Variants in CORIN observed in about 807,000 individuals in gnomAD.
CORIN encodes atrial natriuretic peptide-converting enzyme.
Under a neutral mutation model 125.3 loss-of-function variants are expected in CORIN, and 117 were observed. The observed-to-expected ratio is 0.93, with a 90% CI of 0.80 to 1.09. The LOEUF is 1.09. CORIN is among the 50% of genes least tolerant of loss of function. The pLI is 0.00. For synonymous variants in CORIN, 450 were observed against 466.4 expected (o/e 0.96, Z 0.45); for missense variants, 1,253 against 1,306.7 (o/e 0.96, Z 0.63).
intron 5 of CORIN, among the ~76,000 whole-genome samples, chr4:47,712,399 C>T (rs1726889204): frequency 6.6e-6 from 1 of 152,186 alleles, no homozygotes; most frequent in South Asian, 2.1e-4. Context: ...CCTCCTGCCT[C>T]AGTTTCCCAA....
At chr4:47,677,913 T>C (rs1725100595) in intron 9 of CORIN, 25 bp downstream of exon 9, 3 of 1,503,312 alleles carry the variant, frequency 2.0e-6, no homozygotes, top group Admixed American at 3.3e-5. Context: ...TAAAGGAATG[T>C]TCTGGGGTGG....
chr4:47,693,031 G>A lies in CORIN; in HGVS notation c.852C>T (p.Pro284=), dbSNP rs377406242. 7.3e-5 allele frequency: 118 copies of A among 1,613,560 alleles called. 1 individual carries two copies. Among genetic ancestry groups the A allele is most frequent in the South Asian group, 6.6e-4 (60 of 91,060 alleles). Reference sequence around the variant, plus strand: ...TGTAGCCATTACATTGCAGTTTCCCGGGGATGCAGATTCCACTGGCACACA... The same window carrying A: ...TGTAGCCATTACATTGCAGTTTCCCAGGGATGCAGATTCCACTGGCACACA... ...NFLCASGICI[P]GKLQCNGYND... The change falls in exon 6 of 22, where the codon CCC becomes CCT. Residue 284 remains proline (P), a synonymous_variant. Transcript: ENST00000273857.
chr4:47,651,113 A>C (rs4626168), intron 13 of CORIN, among the ~76,000 whole-genome samples: 1 of 152,236 alleles, frequency 6.6e-6, no homozygotes, highest in Non-Finnish European at 1.5e-5. Context: ...CAAAGAAACA[A>C]GAAGTAATTT....
chr4:47,626,378 A>T (rs2109564529), intron 17 of CORIN, 27 bp downstream of exon 17: 2 of 1,306,362 alleles, frequency 1.5e-6, no homozygotes, highest in African/African-American at 1.5e-5. Context: ...ATCTGACTCT[A>T]CACAGCTCTT....
Position 47,833,283 on chromosome 4 carries a change from G to T in CORIN, c.63+4604C>A, listed in dbSNP as rs564230640. ...CATACATAGTTGACAAGGATGCCAA[G>T]AATATACAATGGAGGAAAGATATGT... On this transcript the variant is annotated intron_variant, in intron 1 of 21. Coordinates refer to ENST00000273857, the MANE Select transcript of CORIN (RefSeq NM_006587.4). Among the ~76,000 whole-genome samples the T allele has an allele frequency of 2.6e-5, 4 of 152,232 alleles. No individual in the cohort carries two copies. The South Asian group carries it at 8.3e-4, about 32-fold the overall frequency.
At chr4:47,617,183 A>C (rs1722096775) in intron 19 of CORIN, among the ~76,000 whole-genome samples, 1 of 152,188 alleles carries the variant, frequency 6.6e-6, no homozygotes, top group Non-Finnish European at 1.5e-5. Flanking sequence ...TAGAAAAGTG[A>C]CTTTACTGTG....
intron 13 of CORIN, among the ~76,000 whole-genome samples, chr4:47,647,405 T>G (rs532264302): frequency 1.3e-5 from 2 of 152,286 alleles, no homozygotes; most frequent in South Asian, 4.1e-4. Flanking sequence ...CCAAGGCCCA[T>G]TCTTCTTAAG....
chr4:47,666,440 T>C (rs1000752927), intron 10 of CORIN, among the ~76,000 whole-genome samples: 14 of 152,220 alleles, frequency 9.2e-5, no homozygotes, highest in African/African-American at 3.4e-4. Context: ...TCTCTGCCAC[T>C]GAGGAACTCC....
chr4:47,818,604 C>T (rs1407757538), intron 1 of CORIN, among the ~76,000 whole-genome samples: 1 of 152,152 alleles, frequency 6.6e-6, no homozygotes, highest in Admixed American at 6.6e-5. Context: ...GACAAGGTGG[C>T]TCACACCTGT....
intron 4 of CORIN, among the ~76,000 whole-genome samples, chr4:47,759,800 T>C (rs564856248): frequency 1.3e-5 from 2 of 152,328 alleles, no homozygotes; most frequent in South Asian, 4.1e-4. Context: ...AAAAAGCTAC[T>C]CCTCATCCAT....
intron 16 of CORIN, among the ~76,000 whole-genome samples, chr4:47,640,698 TAAA>T (rs1340937603): frequency 2.0e-5 from 3 of 152,156 alleles, no homozygotes; most frequent in Admixed American, 1.3e-4. Context: ...AGAAGAAACA[TAAA>T]GAAGCATATT....
chr4:47,761,363 A>G (rs1425384160), intron 4 of CORIN, among the ~76,000 whole-genome samples: 1 of 152,120 alleles, frequency 6.6e-6, no homozygotes, highest in Non-Finnish European at 1.5e-5. Context: ...TTTGAATATT[A>G]CTGTGTCTCG....
At chr4:47,713,772 A>AAAAGC (rs1234969688) in intron 5 of CORIN, among the ~76,000 whole-genome samples, 2 of 152,102 alleles carry the variant, frequency 1.3e-5, no homozygotes, top group Admixed American at 1.3e-4. Flanking sequence ...GGAAACCCAA[A>AAAAGC]AAAGCAAATT....
chr4:47,737,276 A>G (rs3886430), intron 5 of CORIN, among the ~76,000 whole-genome samples: 13,884 of 152,266 alleles, frequency 0.091, 776 homozygotes, highest in East Asian at 0.27. Flanking sequence ...TATGTGGCAC[A>G]TACGTGTGAT....
intron 5 of CORIN, among the ~76,000 whole-genome samples, chr4:47,701,734 G>A (rs1726302230): frequency 7.0e-6 from 1 of 142,180 alleles, no homozygotes; most frequent in Admixed American, 7.6e-5. Context: ...TAAGCTTTAT[G>A]ATCAGAGACT....
At chr4:47,837,781 A>C (rs957742705) in intron 1 of CORIN, 106 bp downstream of exon 1, 6 of 996,066 alleles carry the variant, frequency 6.0e-6, no homozygotes, top group Admixed American at 5.1e-5. Flanking sequence ...AGGAGGTGGC[A>C]TCGGGCGGAG....
At chr4:47,786,200 T>A (rs571478132) in intron 3 of CORIN, among the ~76,000 whole-genome samples, 1 of 152,278 alleles carries the variant, frequency 6.6e-6, no homozygotes, top group South Asian at 2.1e-4. Context: ...TCTTACTCAG[T>A]CCTACCTGAA....
intron 5 of CORIN, among the ~76,000 whole-genome samples, chr4:47,739,194 T>C (rs1282999831): frequency 6.6e-6 from 1 of 151,942 alleles, no homozygotes; most frequent in Non-Finnish European, 1.5e-5. Context: ...TACATCTGCA[T>C]AACAAAGAAG....
chr4:47,734,425 C>T (rs1305169269), intron 5 of CORIN, among the ~76,000 whole-genome samples: 1 of 152,192 alleles, frequency 6.6e-6, no homozygotes, highest in Non-Finnish European at 1.5e-5. Flanking sequence ...TCTTCCGTCC[C>T]CTTTGCTAAG....
Sources: allele counts gnomAD v4.1 joint callset (sites outside exome capture counted in the v4.1 genomes callset), GRCh38; gene constraint gnomAD v4.1.1; transcripts MANE v1.5; gene names NCBI Gene and HGNC (gene_info 2026-07-23, HGNC 2026-07-21).